FTCDNL1: variants seen among roughly 807,000 people sequenced by gnomAD.
The protein encoded by FTCDNL1 is formiminotransferase cyclodeaminase N-terminal like.
Under a neutral mutation model 5.9 loss-of-function variants are expected in FTCDNL1, and 11 were observed. The ratio of observed to expected loss-of-function variants is 1.87; its 90% CI spans 1.18 to 3.10. The LOEUF is 3.10. FTCDNL1 is among the 30% of genes most tolerant of loss of function. The pLI is 0.00. For missense variants in FTCDNL1, 115 were observed against 65.5 expected, an observed-to-expected ratio of 1.76 and a Z score of -2.61; for synonymous variants, 58 against 24.8, an observed-to-expected ratio of 2.34 and a Z score of -3.99.
chr2:199,759,918 T>C (rs1032073798), downstream of FTCDNL1, among the ~76,000 whole-genome samples: 1 of 152,220 alleles, frequency 6.6e-6, no homozygotes, highest in Non-Finnish European at 1.5e-5. Context: ...ACAATAATCA[T>C]GCATGTGGAC....
the FTCDNL1 span, among the ~76,000 whole-genome samples, chr2:199,696,081 G>A: frequency 4.5e-4 from 68 of 152,266 alleles, no homozygotes; most frequent in Non-Finnish European, 9.4e-4. Context: ...CTAGCCATTG[G>A]AGAGTTTCCA....
chr2:199,669,882 T>C, the FTCDNL1 span, among the ~76,000 whole-genome samples: 30 of 152,302 alleles, frequency 2.0e-4, no homozygotes, highest in African/African-American at 7.0e-4. Flanking sequence ...AATTTTATAA[T>C]AAAATATAAT....
chr2:199,840,517 G>T (rs1401325920), intron 3 of FTCDNL1, among the ~76,000 whole-genome samples: 1 of 151,864 alleles, frequency 6.6e-6, no homozygotes, highest in African/African-American at 2.4e-5. Context: ...TGGGGTAAGG[G>T]GAAGCTAAAT....
At chr2:199,833,271 T>A (rs1306856575) in intron 3 of FTCDNL1, among the ~76,000 whole-genome samples, 1 of 152,124 alleles carries the variant, frequency 6.6e-6, no homozygotes, top group Non-Finnish European at 1.5e-5. Context: ...TGTGTCCAGT[T>A]TCAAATTCTT....
chr2:199,695,605 T>C, the FTCDNL1 span, among the ~76,000 whole-genome samples: 1 of 152,182 alleles, frequency 6.6e-6, no homozygotes, highest in African/African-American at 2.4e-5. Flanking sequence ...GACTCATTCC[T>C]GGCCCCAAGC....
chr2:199,666,034 C>G, the FTCDNL1 span, among the ~76,000 whole-genome samples: 3 of 152,210 alleles, frequency 2.0e-5, no homozygotes, highest in Non-Finnish European at 2.9e-5. Context: ...TGCAGAGCAG[C>G]TCAGTCACTT....
intron 3 of FTCDNL1, among the ~76,000 whole-genome samples, chr2:199,800,816 C>T (rs2106400242): frequency 6.6e-6 from 1 of 152,268 alleles, no homozygotes. Flanking sequence ...CAGATTTGTT[C>T]CTCTAGAAAC....
chr2:199,750,802 A>G, the FTCDNL1 span, among the ~76,000 whole-genome samples: 2 of 152,254 alleles, frequency 1.3e-5, no homozygotes, highest in African/African-American at 4.8e-5. Context: ...GTCTGTTGAT[A>G]TTCTCTTTAT....
chr2:199,665,914 T>C, the FTCDNL1 span, among the ~76,000 whole-genome samples: 10 of 152,144 alleles, frequency 6.6e-5, no homozygotes, highest in East Asian at 1.9e-3. Context: ...GTAGCAGTAA[T>C]TACCAGCAAA....
chr2:199,769,834 C>G (rs1158244391), intron 3 of FTCDNL1, among the ~76,000 whole-genome samples: 11 of 152,150 alleles, frequency 7.2e-5, no homozygotes, highest in African/African-American at 2.7e-4. Context: ...TAAATGATCT[C>G]TTTACTAAAC....
chr2:199,754,666 TG>T, the FTCDNL1 span, among the ~76,000 whole-genome samples: 1 of 152,046 alleles, frequency 6.6e-6, no homozygotes, highest in Non-Finnish European at 1.5e-5. Flanking sequence ...CCTAGAGGTG[TG>T]GGGGTCAAAA....
At chr2:199,844,251 T>C (rs2076670341) in intron 3 of FTCDNL1, 1 of 409,512 alleles carries the variant, frequency 2.4e-6, no homozygotes, top group Non-Finnish European at 4.4e-6. Context: ...ACACAGTGTA[T>C]TGTTGATACA....
chr2:199,720,079 A>G, the FTCDNL1 span, among the ~76,000 whole-genome samples: 1 of 152,162 alleles, frequency 6.6e-6, no homozygotes, highest in African/African-American at 2.4e-5. Flanking sequence ...ATTGGTGTAT[A>G]GAAATGCTAT....
At chr2:199,820,016 A>G (rs1701588421) in intron 3 of FTCDNL1, among the ~76,000 whole-genome samples, 1 of 152,212 alleles carries the variant, frequency 6.6e-6, no homozygotes, top group Non-Finnish European at 1.5e-5. Flanking sequence ...CTCACAATAA[A>G]AGCTTGCCTT....
intron 3 of FTCDNL1, among the ~76,000 whole-genome samples, chr2:199,798,831 C>T (rs1414851791): frequency 1.3e-5 from 2 of 152,196 alleles, no homozygotes; most frequent in African/African-American, 2.4e-5. Context: ...CCAAATAAGT[C>T]AATAGCTGTG....
chr2:199,776,678 C>T (rs568609200), intron 3 of FTCDNL1, among the ~76,000 whole-genome samples: 1 of 151,980 alleles, frequency 6.6e-6, no homozygotes, highest in Admixed American at 6.6e-5. Context: ...GTAGACACTC[C>T]GTAGATAGAG....
At chr2:199,690,710 C>A in the FTCDNL1 span, among the ~76,000 whole-genome samples, 4 of 152,142 alleles carry the variant, frequency 2.6e-5, no homozygotes, top group African/African-American at 7.2e-5. Flanking sequence ...CCCGAGAAAG[C>A]TAGGACCAGG....
Position 199,802,911 on chromosome 2 carries a change from GA to G in FTCDNL1, c.212-42077del, listed in dbSNP as rs1250897956. 8.5e-5 allele frequency among the ~76,000 whole-genome samples: 13 copies of G among 152,200 alleles called. No individual in the cohort carries two copies. The East Asian group carries it at 2.5e-3, about 29-fold the overall frequency. The stretch of plus-strand genomic sequence containing the variant: ...AAAGGAATAAATGGGCAAGAACTCA[GA>G]ATATGATAATAGAGTAAAAGACAGA... On this transcript the variant is annotated intron_variant, in intron 3 of 3. Transcript: ENST00000416668.
At chr2:199,741,545 C>T in the FTCDNL1 span, among the ~76,000 whole-genome samples, 2 of 152,138 alleles carry the variant, frequency 1.3e-5, no homozygotes, top group African/African-American at 4.8e-5. Flanking sequence ...ATTATACTTA[C>T]GGAACAAATA....
Sources: gnomAD v4.1 joint callset for allele counts (sites outside exome capture counted in the v4.1 genomes callset) on GRCh38, gnomAD v4.1.1 for gene constraint, MANE v1.5 for transcripts, NCBI Gene and HGNC (gene_info 2026-07-23, HGNC 2026-07-21) for gene names.